Variants in PDZRN3 observed in about 807,000 individuals in gnomAD.
PDZRN3 encodes the protein E3 ubiquitin-protein ligase PDZRN3.
PDZRN3 carries 38 observed loss-of-function variants against 85.7 expected under a neutral mutation model. That is an observed-to-expected ratio of 0.44 (90% CI 0.34 to 0.58). The LOEUF (loss-of-function observed/expected upper bound fraction) is 0.58. Ranked by LOEUF, PDZRN3 falls within the 20% of genes least tolerant of loss-of-function variation. The pLI, the probability that PDZRN3 is intolerant of heterozygous loss-of-function variation, is 0.01. For missense variants in PDZRN3, 1,629 were observed against 1,506.4 expected, an observed-to-expected ratio of 1.08 and a Z score of -1.35; for synonymous variants, 759 against 638.0, an observed-to-expected ratio of 1.19 and a Z score of -2.86.
At chr3:73,413,716 G>A (rs1288784451) in intron 3 of PDZRN3, among the ~76,000 whole-genome samples, 1 of 152,178 alleles carries the variant, frequency 6.6e-6, no homozygotes, top group Non-Finnish European at 1.5e-5. Context: ...ATGCCAAGAT[G>A]TGAGGGTGTA....
At chr3:73,596,618 G>A (rs895908001) in intron 3 of PDZRN3, among the ~76,000 whole-genome samples, 12 of 152,262 alleles carry the variant, frequency 7.9e-5, no homozygotes, top group South Asian at 4.1e-4. Context: ...TGCCCAAAAC[G>A]TATGACCTGG....
chr3:73,574,881 C>A (rs535030889), intron 3 of PDZRN3, among the ~76,000 whole-genome samples: 1 of 152,340 alleles, frequency 6.6e-6, no homozygotes, highest in East Asian at 1.9e-4. Context: ...GCTAAACAAT[C>A]CCTTCATTTA....
intron 3 of PDZRN3, among the ~76,000 whole-genome samples, chr3:73,554,355 C>G (rs1403446524): frequency 5.3e-5 from 1 of 18,940 alleles, no homozygotes; most frequent in Non-Finnish European, 8.7e-5. Flanking sequence ...TGAGAGAAGA[C>G]ACACACACAC....
At chr3:73,454,161 G>A (rs1186750863) in intron 3 of PDZRN3, among the ~76,000 whole-genome samples, 1 of 152,158 alleles carries the variant, frequency 6.6e-6, no homozygotes, top group African/African-American at 2.4e-5. Context: ...GGCAGGAGAG[G>A]AGGCCTGGGA....
intron 3 of PDZRN3, among the ~76,000 whole-genome samples, chr3:73,588,233 T>C (rs1194660978): frequency 3.3e-5 from 5 of 152,214 alleles, no homozygotes; most frequent in Non-Finnish European, 7.3e-5. Context: ...GGCTTCCAGC[T>C]TCATCCACGT....
chr3:73,451,975 A>C (rs901431682), intron 3 of PDZRN3, among the ~76,000 whole-genome samples: 1 of 152,204 alleles, frequency 6.6e-6, no homozygotes, highest in African/African-American at 2.4e-5. Flanking sequence ...CTGTGAACAC[A>C]GAGAAAATTG....
chr3:73,568,909 TAC>T (rs1175570692), intron 3 of PDZRN3, among the ~76,000 whole-genome samples: 1 of 152,206 alleles, frequency 6.6e-6, no homozygotes, highest in East Asian at 1.9e-4. Context: ...AAGCCAGACC[TAC>T]AGTCTTTAAG....
rs543587172 is a variant in PDZRN3 at position 73,412,237 on chromosome 3, A to G, written c.919-7842T>C. Among the ~76,000 whole-genome samples, 10 of 152,320 alleles carry G rather than the reference A, an allele frequency of 6.6e-5. No homozygotes were observed. The South Asian group carries it at 1.9e-3, about 28-fold the overall frequency. ...AAGCGTCATGCCCGAAGCCTTTATG[A>G]AGGCCGCTTTATTATGCCATTTCCT... On this transcript the variant is annotated intron_variant, in intron 3 of 9. Transcript: ENST00000263666.
At chr3:73,465,317 T>C (rs891363788) in intron 3 of PDZRN3, among the ~76,000 whole-genome samples, 2 of 152,190 alleles carry the variant, frequency 1.3e-5, no homozygotes, top group Non-Finnish European at 2.9e-5. Context: ...TCTCCTCCTT[T>C]TCTGTATATT....
intron 1 of PDZRN3, among the ~76,000 whole-genome samples, chr3:73,622,455 C>A (rs1301989475): frequency 1.3e-5 from 2 of 152,220 alleles, no homozygotes; most frequent in Non-Finnish European, 2.9e-5. Context: ...GCAGCAGGCC[C>A]AGGCCCCTCC....
chr3:73,439,594 G>T (rs1409227521), intron 3 of PDZRN3, among the ~76,000 whole-genome samples: 1 of 151,884 alleles, frequency 6.6e-6, no homozygotes, highest in African/African-American at 2.4e-5. Flanking sequence ...TTCATAGCAA[G>T]AAAAAAAGCA....
intron 1 of PDZRN3, among the ~76,000 whole-genome samples, chr3:73,615,086 G>A (rs1575764475): frequency 6.6e-6 from 1 of 151,892 alleles, no homozygotes; most frequent in Non-Finnish European, 1.5e-5. Context: ...TGGGGGAACA[G>A]GTAGAAAAAA....
intron 3 of PDZRN3, among the ~76,000 whole-genome samples, chr3:73,501,495 T>C (rs2106685964): frequency 6.6e-6 from 1 of 152,346 alleles, no homozygotes; most frequent in African/African-American, 2.4e-5. Flanking sequence ...AGACGACTCC[T>C]AACGATTCGA....
chr3:73,387,160 G>GT (rs528232270), intron 8 of PDZRN3, among the ~76,000 whole-genome samples: 26 of 152,194 alleles, frequency 1.7e-4, no homozygotes, highest in Non-Finnish European at 3.4e-4. Context: ...ATGTGGAACT[G>GT]TGAGTCCATG....
At chr3:73,578,461 C>T (rs768620717) in intron 3 of PDZRN3, among the ~76,000 whole-genome samples, 32 of 152,224 alleles carry the variant, frequency 2.1e-4, no homozygotes, top group Admixed American at 1.5e-3. Context: ...TGAGCCACCG[C>T]GCCCAGCCGA....
intron 3 of PDZRN3, among the ~76,000 whole-genome samples, chr3:73,587,813 T>A (rs1702298771): frequency 6.6e-6 from 1 of 152,176 alleles, no homozygotes; most frequent in South Asian, 2.1e-4. Flanking sequence ...CGACCTTGAA[T>A]GACATGATGT....
At chr3:73,579,090 G>A (rs9816865) in intron 3 of PDZRN3, among the ~76,000 whole-genome samples, 25,769 of 152,052 alleles carry the variant, frequency 0.17, 2,342 homozygotes, top group African/African-American at 0.23. Context: ...GTACTAAGAG[G>A]TGGGGTCTTG....
intron 3 of PDZRN3, among the ~76,000 whole-genome samples, chr3:73,571,882 A>C (rs1183643839): frequency 3.3e-5 from 5 of 152,076 alleles, no homozygotes; most frequent in African/African-American, 1.2e-4. Flanking sequence ...CTTTCCACTC[A>C]CTCCAATCCT....
intron 3 of PDZRN3, among the ~76,000 whole-genome samples, chr3:73,419,643 T>C (rs1187659113): frequency 6.6e-6 from 1 of 152,182 alleles, no homozygotes; most frequent in Non-Finnish European, 1.5e-5. Flanking sequence ...AGTATGAAGC[T>C]CTCTAAGCTT....
Sources: gnomAD v4.1 joint callset for allele counts (sites outside exome capture counted in the v4.1 genomes callset) on GRCh38, gnomAD v4.1.1 for gene constraint, MANE v1.5 for transcripts, NCBI Gene and HGNC (gene_info 2026-07-23, HGNC 2026-07-21) for gene names.